Variants in PDGFRA observed in about 807,000 individuals in gnomAD.
PDGFRA encodes platelet-derived growth factor receptor alpha.
PDGFRA carries 25 observed loss-of-function variants against 121.5 expected under a neutral mutation model. The ratio of observed to expected loss-of-function variants is 0.21; its 90% confidence interval spans 0.15 to 0.29. The LOEUF is 0.29. PDGFRA is among the 10% of genes least tolerant of loss of function. PDGFRA has a pLI of 1.00. For missense variants in PDGFRA, 1,008 were observed against 1,345.1 expected (o/e 0.75, Z 3.92); for synonymous variants, 463 against 494.8 (o/e 0.94, Z 0.85).
chr4:54,275,529 T>C (rs949969506), intron 12 of PDGFRA, among the ~76,000 whole-genome samples: 4 of 152,008 alleles, frequency 2.6e-5, no homozygotes, highest in African/African-American at 4.8e-5. Flanking sequence ...TCCAAGGGAG[T>C]ATTTCTTTTT....
At chr4:54,283,497 G>C (rs961469193) in intron 16 of PDGFRA, among the ~76,000 whole-genome samples, 2 of 152,248 alleles carry the variant, frequency 1.3e-5, no homozygotes, top group Non-Finnish European at 2.9e-5. Flanking sequence ...CAGGGCAGTG[G>C]ACCCTGGGGC....
At chr4:54,242,837 AC>A (rs981657694) in intron 1 of PDGFRA, among the ~76,000 whole-genome samples, 1 of 152,122 alleles carries the variant, frequency 6.6e-6, no homozygotes, top group Non-Finnish European at 1.5e-5. Context: ...TCCTCATGGA[AC>A]CCCAAGAGCT....
At chr4:54,235,791 T>G (rs1250014248) in intron 1 of PDGFRA, among the ~76,000 whole-genome samples, 4 of 152,238 alleles carry the variant, frequency 2.6e-5, no homozygotes, top group African/African-American at 4.8e-5. Context: ...GAAAAAGTCG[T>G]GAAAATCAAA....
intron 1 of PDGFRA, among the ~76,000 whole-genome samples, chr4:54,241,712 G>T: frequency 6.6e-6 from 1 of 151,696 alleles, no homozygotes; most frequent in East Asian, 1.9e-4. Flanking sequence ...ACCACACCTG[G>T]CTAATTTTGT....
At chr4:54,245,212 A>G (rs1287401361) in intron 1 of PDGFRA, among the ~76,000 whole-genome samples, 2 of 152,208 alleles carry the variant, frequency 1.3e-5, no homozygotes, top group Admixed American at 1.3e-4. Context: ...CAGGAAATAC[A>G]GAGAACGCCA....
At chr4:54,277,311 CAG>C in intron 12 of PDGFRA, 75 bp from the exon 13 acceptor site, 1 of 961,672 alleles carries the variant, frequency 1.0e-6, no homozygotes, top group Middle Eastern at 2.9e-4. Flanking sequence ...TGTCCGCCCG[CAG>C]AGAGCTGGCT....
intron 12 of PDGFRA, among the ~76,000 whole-genome samples, chr4:54,276,592 G>A (rs761124187): frequency 1.1e-4 from 16 of 152,160 alleles, no homozygotes; most frequent in Admixed American, 7.9e-4. Flanking sequence ...GGGGAAAAGG[G>A]CATAATTCCC....
At chr4:54,290,639 G>C (rs1246485157) in intron 22 of PDGFRA, 85 bp downstream of exon 22, 1 of 1,473,662 alleles carries the variant, frequency 6.8e-7, no homozygotes, top group African/African-American at 1.4e-5. Flanking sequence ...CGATAATGGT[G>C]CACTCCCGGT....
rs111593979 is a variant in PDGFRA at position 54,265,414 on chromosome 4, G to A, written c.759+365G>A. 3.1e-4 allele frequency: 97 copies of A among 311,444 alleles called. 1 individual carries two copies. The highest frequency in any genetic ancestry group is 8.8e-4 in the African/African-American group (41 of 46,494). 19.3% of individuals were successfully genotyped at this position (311,444 alleles called of 1,614,324 possible). ...GCGGAGACAGTGATTGATTCTCATC[G>A]TCTTGGCTTCTGTGCCCTGAGGTTT... On this transcript the variant is annotated intron_variant, in intron 5 of 22. Transcript: ENST00000257290.
At chr4:54,279,727 C>G (rs114604358) in intron 15 of PDGFRA, among the ~76,000 whole-genome samples, 1 of 152,158 alleles carries the variant, frequency 6.6e-6, no homozygotes, top group South Asian at 2.1e-4. Flanking sequence ...CCCCGAGTCC[C>G]CAAGTCCATT....
At chr4:54,275,335 A>C (rs1160741842) in intron 12 of PDGFRA, among the ~76,000 whole-genome samples, 2 of 152,200 alleles carry the variant, frequency 1.3e-5, no homozygotes, top group African/African-American at 4.8e-5. Flanking sequence ...GACAACCACA[A>C]AATGTATTTT....
At chr4:54,263,556 A>T in intron 3 of PDGFRA, 111 bp from the exon 4 acceptor site, 1 of 1,018,154 alleles carries the variant, frequency 9.8e-7, no homozygotes, top group Non-Finnish European at 1.6e-6. Context: ...ATATGTGTAA[A>T]GGTGAACTTC....
In PDGFRA at chr4:54,297,776, C is replaced by T. The variant is rs149631103; in HGVS notation, c.*2504C>T. On this transcript the variant is annotated 3_prime_UTR_variant, in exon 23 of 23. Transcript: ENST00000257290. ...CTATTTTTATGATGACAATCAAAGC[C>T]GGCCTGAGAAACACTATTTGTGACT... is the stretch of plus-strand genomic sequence containing the variant. The T allele has an allele frequency of 9.2e-3, 2,141 of 233,546 alleles. 13 individuals are homozygous for T. Among genetic ancestry groups the T allele is most frequent in the Non-Finnish European group, 0.013 (1,510 of 118,028 alleles). 14.5% of individuals were successfully genotyped at this position (233,546 alleles called of 1,614,324 possible).
At chr4:54,264,614 T>C in intron 4 of PDGFRA, 1 of 348,732 alleles carries the variant, frequency 2.9e-6, no homozygotes, top group Non-Finnish European at 5.5e-6. Context: ...ATAAATTTAT[T>C]AGTCAAGGAG....
intron 2 of PDGFRA, among the ~76,000 whole-genome samples, chr4:54,260,397 GTTTTTTTTTTTT>G (rs68009440): frequency 1.1e-4 from 7 of 64,566 alleles, no homozygotes; most frequent in Admixed American, 5.6e-4. Context: ...TTCCATGTGG[GTTTTTTTTTTTT>G]TTTTTTTTTT....
intron 22 of PDGFRA, among the ~76,000 whole-genome samples, chr4:54,293,287 G>T (rs1224591053): frequency 6.6e-6 from 1 of 152,072 alleles, no homozygotes; most frequent in African/African-American, 2.4e-5. Flanking sequence ...AGTTAGTCTA[G>T]GAACTTAACC....
At chr4:54,230,762 C>G (rs560489436) in intron 1 of PDGFRA, among the ~76,000 whole-genome samples, 4 of 152,312 alleles carry the variant, frequency 2.6e-5, no homozygotes, top group Admixed American at 1.3e-4. Flanking sequence ...GGCCTTTTTT[C>G]CATTCCTCTC....
chr4:54,236,465 A>T (rs1243546381), intron 1 of PDGFRA, among the ~76,000 whole-genome samples: 1 of 152,208 alleles, frequency 6.6e-6, no homozygotes, highest in Admixed American at 6.5e-5. Context: ...CACTGCCATT[A>T]TTCATGAGTA....
intron 1 of PDGFRA, among the ~76,000 whole-genome samples, chr4:54,234,022 A>T (rs1006009946): frequency 4.6e-5 from 7 of 152,168 alleles, no homozygotes; most frequent in South Asian, 4.1e-4. Flanking sequence ...GGGGGCGGAA[A>T]TGCTGAGGTG....
Sources: allele counts gnomAD v4.1 joint callset (sites outside exome capture counted in the v4.1 genomes callset), GRCh38; gene constraint gnomAD v4.1.1; transcripts MANE v1.5; gene names NCBI Gene and HGNC (gene_info 2026-07-23, HGNC 2026-07-21).